Variants in AGBL4 observed in about 807,000 individuals in gnomAD.
The protein encoded by AGBL4 is cytosolic carboxypeptidase 6.
Under a neutral mutation model 66.4 loss-of-function variants are expected in AGBL4, and 58 were observed. The observed-to-expected ratio is 0.87, with a 90% CI of 0.71 to 1.09. AGBL4 has a LOEUF of 1.09. AGBL4 is among the 50% of genes least tolerant of loss of function. The pLI, the probability that AGBL4 is intolerant of heterozygous loss-of-function variation, is 0.00. For synonymous variants in AGBL4, 234 were observed against 222.9 expected (o/e 1.05, Z -0.44); for missense variants, 579 against 631.0 (o/e 0.92, Z 0.88).
intron 2 of AGBL4, among the ~76,000 whole-genome samples, chr1:49,742,583 C>G (rs542670731): frequency 6.6e-6 from 1 of 151,716 alleles, no homozygotes; most frequent in Admixed American, 6.6e-5. Flanking sequence ...AAAAAGAGCC[C>G]GCATCGCCAA....
chr1:49,002,986 G>A (rs1661505640), intron 5 of AGBL4, among the ~76,000 whole-genome samples: 1 of 152,206 alleles, frequency 6.6e-6, no homozygotes, highest in African/African-American at 2.4e-5. Flanking sequence ...GCCCATCATG[G>A]ACTGAAGCAA....
intron 3 of AGBL4, among the ~76,000 whole-genome samples, chr1:49,632,332 G>A (rs1406244908): frequency 2.0e-5 from 3 of 152,192 alleles, no homozygotes; most frequent in Non-Finnish European, 4.4e-5. Flanking sequence ...CTGAAAAATA[G>A]AGGGATTTCA....
intron 3 of AGBL4, among the ~76,000 whole-genome samples, chr1:49,511,160 G>A (rs1313006983): frequency 1.3e-5 from 2 of 151,866 alleles, no homozygotes; most frequent in Non-Finnish European, 2.9e-5. Context: ...ACACACGTAT[G>A]TTTATTGCAG....
intron 5 of AGBL4, among the ~76,000 whole-genome samples, chr1:48,926,945 G>C (rs979311365): frequency 3.9e-5 from 6 of 152,150 alleles, no homozygotes; most frequent in Non-Finnish European, 5.9e-5. Flanking sequence ...GGAGATGTGA[G>C]TCTAAGAGCA....
At chr1:49,874,470 G>A (rs559845521) in intron 1 of AGBL4, among the ~76,000 whole-genome samples, 1 of 152,088 alleles carries the variant, frequency 6.6e-6, no homozygotes, top group East Asian at 1.9e-4. Flanking sequence ...ACCCAATAAA[G>A]TTTATCTTTC....
intron 3 of AGBL4, among the ~76,000 whole-genome samples, chr1:49,266,649 G>A (rs1353345531): frequency 6.6e-6 from 1 of 151,234 alleles, no homozygotes; most frequent in Non-Finnish European, 1.5e-5. Flanking sequence ...AGAGTCTGTA[G>A]CCAGCCTAAG....
chr1:49,188,869 G>A (rs1034312965), intron 4 of AGBL4, among the ~76,000 whole-genome samples: 15 of 152,178 alleles, frequency 9.9e-5, no homozygotes, highest in Admixed American at 4.6e-4. Flanking sequence ...CACTTTTCTC[G>A]TTAATATCCA....
intron 6 of AGBL4, among the ~76,000 whole-genome samples, chr1:48,721,471 A>T (rs942737777): frequency 6.6e-6 from 1 of 152,210 alleles, no homozygotes; most frequent in Non-Finnish European, 1.5e-5. Context: ...TGGCTGCTGC[A>T]ACAAGGCCGG....
chr1:49,119,325 G>T (rs974971626), intron 4 of AGBL4, among the ~76,000 whole-genome samples: 1 of 152,164 alleles, frequency 6.6e-6, no homozygotes, highest in Non-Finnish European at 1.5e-5. Context: ...GCCTTCTCTT[G>T]TGGGTATTCA....
intron 5 of AGBL4, among the ~76,000 whole-genome samples, chr1:48,950,180 T>G (rs1201268449): frequency 1.3e-5 from 2 of 151,746 alleles, no homozygotes; most frequent in Non-Finnish European, 2.9e-5. Context: ...CACTGCAACC[T>G]CCGCCTCCCA....
At chr1:49,427,307 G>C (rs1052492631) in intron 3 of AGBL4, among the ~76,000 whole-genome samples, 1 of 152,112 alleles carries the variant, frequency 6.6e-6, no homozygotes, top group African/African-American at 2.4e-5. Context: ...ACCCGAGAGA[G>C]TTGAATGTTC....
intron 1 of AGBL4, among the ~76,000 whole-genome samples, chr1:49,896,152 G>C (rs183434052): frequency 2.0e-5 from 3 of 152,104 alleles, no homozygotes; most frequent in Admixed American, 1.3e-4. Context: ...TCATCATGCA[G>C]TAATTAAGGG....
At chr1:49,588,556 C>G (rs1644695096) in intron 3 of AGBL4, among the ~76,000 whole-genome samples, 1 of 152,188 alleles carries the variant, frequency 6.6e-6, no homozygotes, top group Non-Finnish European at 1.5e-5. Flanking sequence ...TTCAAAGTTA[C>G]TGTCTAGCTC....
At position 48,694,847 on chromosome 1, in the gene AGBL4, A is replaced by G. The variant is rs543742167; in HGVS notation, c.635-31606T>C. Among the ~76,000 whole-genome samples the G allele has an allele frequency of 3.9e-5, 6 of 152,030 alleles. No individual in the cohort carries two copies. In the South Asian group the frequency reaches 8.3e-4, roughly 21 times the overall value. On this transcript the variant is annotated intron_variant, in intron 6 of 13. Transcript: ENST00000371839. ...TAACCCCCTCTAGCAAATGAAAGTCATTTTTTGAATTCCCACAGCAGCCTC... is the reference window on the plus strand; with the variant it reads ...TAACCCCCTCTAGCAAATGAAAGTCGTTTTTTGAATTCCCACAGCAGCCTC...
At chr1:48,601,926 A>G (rs1645079528) in intron 9 of AGBL4, among the ~76,000 whole-genome samples, 3 of 152,184 alleles carry the variant, frequency 2.0e-5, no homozygotes, top group Admixed American at 1.3e-4. Flanking sequence ...AAAACAAGAC[A>G]AAAAAATCAG....
Position 49,379,947 on chromosome 1 carries a change from G to C in AGBL4, c.283-134083C>G, listed in dbSNP as rs909523088. On this transcript the variant is annotated intron_variant, in intron 3 of 13. Transcript: ENST00000371839. Reference sequence around the variant, plus strand: ...TCCCTTTGAAAACTGGCCTAAGACAGGGATGCCCTCTCTCACCACTCCTAT... The same window carrying C: ...TCCCTTTGAAAACTGGCCTAAGACACGGATGCCCTCTCTCACCACTCCTAT... 3.3e-5 allele frequency among the ~76,000 whole-genome samples: 5 copies of C among 152,150 alleles called. No individual in the cohort carries two copies. The East Asian group carries it at 9.6e-4, about 29-fold the overall frequency.
At chr1:49,543,375 C>T (rs1332555425) in intron 3 of AGBL4, among the ~76,000 whole-genome samples, 1 of 152,096 alleles carries the variant, frequency 6.6e-6, no homozygotes, top group Admixed American at 6.5e-5. Flanking sequence ...ACAACCCTAT[C>T]CTTTCACTTT....
chr1:48,699,906 T>TATAC (rs1455919285), intron 6 of AGBL4, among the ~76,000 whole-genome samples: 2 of 148,762 alleles, frequency 1.3e-5, no homozygotes, highest in South Asian at 4.3e-4. Flanking sequence ...TTTTATTTTA[T>TATAC]ATACATACAT....
chr1:49,568,379 A>C (rs1255713289), intron 3 of AGBL4, among the ~76,000 whole-genome samples: 1 of 137,170 alleles, frequency 7.3e-6, no homozygotes, highest in Non-Finnish European at 1.6e-5. Context: ...ACGCAATACT[A>C]TTCACAATTT....
Sources: allele counts gnomAD v4.1 joint callset (sites outside exome capture counted in the v4.1 genomes callset), GRCh38; gene constraint gnomAD v4.1.1; transcripts MANE v1.5; gene names NCBI Gene and HGNC (gene_info 2026-07-23, HGNC 2026-07-21).